DENND1B: variants seen among roughly 807,000 people sequenced by gnomAD.
The protein encoded by DENND1B is DENN domain-containing protein 1B.
In DENND1B, 59 loss-of-function variants were observed where a neutral mutation model predicts 90.1. The observed-to-expected ratio is 0.65, with a 90% confidence interval of 0.53 to 0.81. The LOEUF is 0.81. Ranked by LOEUF, DENND1B falls within the 40% of genes least tolerant of loss-of-function variation. The probability of loss-of-function intolerance (pLI) is 0.00; values close to 1 mark genes in which losing one functional copy is unlikely to be tolerated. For missense variants in DENND1B, 862 were observed against 912.6 expected (o/e 0.94, Z 0.71); for synonymous variants, 337 against 324.6 (o/e 1.04, Z -0.41).
At chr1:197,763,773 A>G (rs940831533) in intron 2 of DENND1B, among the ~76,000 whole-genome samples, 2 of 152,200 alleles carry the variant, frequency 1.3e-5, no homozygotes, top group Non-Finnish European at 2.9e-5. Flanking sequence ...TTCCCTAAGC[A>G]ATGAGCTGAA....
intron 2 of DENND1B, among the ~76,000 whole-genome samples, chr1:197,765,273 GA>G (rs1330481415): frequency 3.3e-5 from 5 of 152,102 alleles, no homozygotes; most frequent in African/African-American, 1.2e-4. Flanking sequence ...TTGAAAGTGG[GA>G]AAAGTTTTTC....
intron 2 of DENND1B, among the ~76,000 whole-genome samples, chr1:197,768,905 A>T (rs1418279488): frequency 6.6e-6 from 1 of 152,184 alleles, no homozygotes; most frequent in Non-Finnish European, 1.5e-5. Context: ...ACAAGTCCAA[A>T]TAGCAGTAGA....
chr1:197,651,192 TTTA>T (rs1290427135), intron 7 of DENND1B, among the ~76,000 whole-genome samples: 1 of 152,034 alleles, frequency 6.6e-6, no homozygotes, highest in Non-Finnish European at 1.5e-5. Context: ...TTAGGAAAAG[TTTA>T]TTATTTTAGA....
rs185606339 is a variant in DENND1B, at chr1:197,668,324, A to T, written c.296+3713T>A. The stretch of plus-strand genomic sequence containing the variant: ...AGGCACTATTGTAGACACTGGGAAT[A>T]TATGAGTAAACAAAAGACAAAAATC... On this transcript the variant is annotated intron_variant, in intron 5 of 22. Coordinates refer to ENST00000620048, the MANE Select transcript of DENND1B (RefSeq NM_001195215.2). Among the ~76,000 whole-genome samples the T allele has an allele frequency of 4.4e-3, 665 of 151,826 alleles. 9 individuals carry two copies. The highest frequency in any genetic ancestry group is 0.015 in the African/African-American group (623 of 41,476).
intron 3 of DENND1B, among the ~76,000 whole-genome samples, chr1:197,679,452 A>C (rs1272061049): frequency 6.6e-6 from 1 of 151,748 alleles, no homozygotes; most frequent in Non-Finnish European, 1.5e-5. Flanking sequence ...AAATCTAGAG[A>C]TGATCTAAAA....
At position 197,548,854 on chromosome 1, in the gene DENND1B, G is replaced by A. The variant is rs573799904; in HGVS notation, c.1241-2081C>T. Reference sequence around the variant, plus strand: ...ATAATCTAAAATTTCATAGTATAGGGGCAAAGAAGAAGTCCCTTGCTTCGA... The same window carrying A: ...ATAATCTAAAATTTCATAGTATAGGAGCAAAGAAGAAGTCCCTTGCTTCGA... On this transcript the variant is annotated intron_variant, in intron 16 of 22. Transcript: ENST00000620048. Among the ~76,000 whole-genome samples the A allele has an allele frequency of 1.7e-3, 260 of 152,058 alleles. 1 individual carries two copies. The highest frequency in any genetic ancestry group is 1.9e-3 in the Non-Finnish European group (129 of 67,960).
intron 18 of DENND1B, among the ~76,000 whole-genome samples, chr1:197,544,897 A>G (rs1472378505): frequency 1.8e-3 from 27 of 15,422 alleles, no homozygotes; most frequent in East Asian, 2.4e-3. Context: ...AGGAAGAAGA[A>G]GAAGAAAGAA....
At chr1:197,735,298 T>C in intron 2 of DENND1B, 1 of 1,212,300 alleles carries the variant, frequency 8.2e-7, no homozygotes, top group Non-Finnish European at 1.0e-6. Flanking sequence ...GGCTTTATTC[T>C]ACTATACCTC....
intron 5 of DENND1B, among the ~76,000 whole-genome samples, chr1:197,669,776 C>T (rs1178950089): frequency 6.6e-6 from 1 of 151,598 alleles, no homozygotes; most frequent in Non-Finnish European, 1.5e-5. Context: ...AAAGCACTGT[C>T]AAATGACAAA....
At chr1:197,554,880 C>G (rs568396552) in intron 15 of DENND1B, among the ~76,000 whole-genome samples, 1 of 146,544 alleles carries the variant, frequency 6.8e-6, no homozygotes, top group East Asian at 2.0e-4. Flanking sequence ...GAATTAACAG[C>G]AGTAAGTCAC....
chr1:197,564,073 T>C lies in DENND1B; in HGVS notation c.1150-10961A>G, dbSNP rs183588018. On this transcript the variant is annotated intron_variant, in intron 15 of 22. Transcript: ENST00000620048. ...TGGATGAGGAAAGAAAGGAGTTTCA[T>C]GAGATGAAATCTACTCCTGGTGAAG... 1.1e-4 allele frequency among the ~76,000 whole-genome samples: 17 copies of C among 152,094 alleles called. No homozygotes were observed. The East Asian group carries it at 2.9e-3, about 26-fold the overall frequency.
intron 20 of DENND1B, among the ~76,000 whole-genome samples, chr1:197,517,456 AC>A (rs1668476982): frequency 6.6e-6 from 1 of 151,634 alleles, no homozygotes; most frequent in Admixed American, 6.6e-5. Flanking sequence ...CTAGCACAGG[AC>A]CTTTGCATAT....
intron 9 of DENND1B, 53 bp from the exon 10 acceptor site, chr1:197,642,874 A>G (rs1422288595): frequency 2.3e-6 from 3 of 1,293,470 alleles, no homozygotes; most frequent in African/African-American, 3.0e-5. Context: ...GAATGTGAAG[A>G]AAAACATTTT....
intron 14 of DENND1B, among the ~76,000 whole-genome samples, chr1:197,588,103 G>A (rs758931191): frequency 1.4e-4 from 21 of 152,170 alleles, no homozygotes; most frequent in African/African-American, 3.1e-4. Context: ...GGTTCCTAAC[G>A]GGAGCTGGGG....
chr1:197,761,270 T>C (rs1401304154), intron 2 of DENND1B, among the ~76,000 whole-genome samples: 1 of 152,154 alleles, frequency 6.6e-6, no homozygotes, highest in Non-Finnish European at 1.5e-5. Flanking sequence ...GCTCTTTTAA[T>C]ATGAGTAAAA....
In DENND1B at chr1:197,506,156, G is replaced by A. The variant is rs1319496782; in HGVS notation, c.*4304C>T. 1 of 151,546 alleles carries A rather than the reference G, an allele frequency of 6.6e-6. No individual in the cohort carries two copies. The highest frequency in any genetic ancestry group is 1.9e-4 in the East Asian group (1 of 5,162). 9.4% of individuals were successfully genotyped at this position (151,546 alleles called of 1,614,324 possible). ...TAAGGCATCTGCCAGAAAAACAGAT[G>A]TACATATTTATATGAACTAAGTTAT... On this transcript the variant is annotated 3_prime_UTR_variant, in exon 23 of 23. Transcript: ENST00000620048.
intron 3 of DENND1B, among the ~76,000 whole-genome samples, chr1:197,703,849 C>T (rs972886242): frequency 6.6e-6 from 1 of 152,100 alleles, no homozygotes; most frequent in Non-Finnish European, 1.5e-5. Context: ...ATCTCTGATG[C>T]CTCCTCTCTT....
intron 5 of DENND1B, among the ~76,000 whole-genome samples, chr1:197,666,159 T>TA (rs1456550944): frequency 6.6e-6 from 1 of 152,150 alleles, no homozygotes; most frequent in Non-Finnish European, 1.5e-5. Context: ...AATCTCAACT[T>TA]ACAAGAAAAG....
At chr1:197,694,301 T>C (rs985704882) in intron 3 of DENND1B, among the ~76,000 whole-genome samples, 2 of 151,474 alleles carry the variant, frequency 1.3e-5, no homozygotes, top group African/African-American at 4.8e-5. Flanking sequence ...TAACATATTT[T>C]ATGAGTTAAT....
Sources: gnomAD v4.1 joint callset for allele counts (sites outside exome capture counted in the v4.1 genomes callset) on GRCh38, gnomAD v4.1.1 for gene constraint, MANE v1.5 for transcripts, NCBI Gene and HGNC (gene_info 2026-07-23, HGNC 2026-07-21) for gene names.